Variants in TFAP2A observed in about 807,000 individuals in gnomAD.
TFAP2A encodes transcription factor AP-2 alpha, also known as transcription factor AP-2-alpha.
In TFAP2A, 7 loss-of-function variants were observed where a neutral mutation model predicts 41.5. That is an observed-to-expected ratio of 0.17 (90% CI 0.10 to 0.32). TFAP2A has a LOEUF of 0.32. Ranked by LOEUF, TFAP2A falls within the 10% of genes least tolerant of loss-of-function variation. The pLI, the probability that TFAP2A is intolerant of heterozygous loss-of-function variation, is 1.00. For synonymous variants in TFAP2A, 247 were observed against 242.8 expected (o/e 1.02, Z -0.16); for missense variants, 416 against 563.3 (o/e 0.74, Z 2.65).
At chr6:10,415,785 C>A (rs1461012), upstream of TFAP2A, 11,190 of 152,470 alleles carry the variant, frequency 0.073, 756 homozygotes, top group East Asian at 0.27. Flanking sequence ...GAGGCAGCCA[C>A]CCCCTCGGGC....
chr6:10,399,117 A>C (rs1359213483), intron 6 of TFAP2A, among the ~76,000 whole-genome samples: 1 of 152,184 alleles, frequency 6.6e-6, no homozygotes, highest in Non-Finnish European at 1.5e-5. Flanking sequence ...TTCCTATTCA[A>C]AATGTCATAA....
intron 6 of TFAP2A, among the ~76,000 whole-genome samples, chr6:10,399,777 C>T (rs1423800065): frequency 6.6e-6 from 1 of 152,218 alleles, no homozygotes; most frequent in Admixed American, 6.5e-5. Context: ...CAGTCATTTT[C>T]TTTTCACACA....
chr6:10,408,240 A>G (rs1757802700), intron 2 of TFAP2A, among the ~76,000 whole-genome samples: 1 of 152,180 alleles, frequency 6.6e-6, no homozygotes, highest in Admixed American at 6.5e-5. Context: ...CTTTGAAAGA[A>G]TTTTTTTCTT....
rs568558635 is a variant in TFAP2A at position 10,414,816 on chromosome 6, C to T, written c.51+125G>A. 2.8e-5 allele frequency: 36 copies of T among 1,289,128 alleles called. No homozygotes were observed. The Admixed American group carries it at 3.4e-4, about 12-fold the overall frequency. 79.9% of individuals were successfully genotyped at this position (1,289,128 alleles called of 1,614,324 possible). ...TCTTCGGGCGAATCCGAGGGACGGG[C>T]GCTGCGCTGGGGAAAGTTTGTCCCA... On this transcript the variant is annotated intron_variant, in intron 1 of 6. Transcript: ENST00000379613.
chr6:10,403,555 A>G (rs1757518549), intron 4 of TFAP2A, among the ~76,000 whole-genome samples: 1 of 152,256 alleles, frequency 6.6e-6, no homozygotes, highest in African/African-American at 2.4e-5. Flanking sequence ...CTATCAACAC[A>G]TAAGTAAATG....
chr6:10,414,008 G>T (rs1758126144), intron 1 of TFAP2A, among the ~76,000 whole-genome samples: 2 of 152,238 alleles, frequency 1.3e-5, no homozygotes, highest in Admixed American at 1.3e-4. Flanking sequence ...CCTGCGGGTG[G>T]ACAGGTCGCG....
chr6:10,416,785 C>G (rs1484756249), upstream of TFAP2A: 1 of 152,280 alleles, frequency 6.6e-6, no homozygotes, highest in Admixed American at 6.5e-5. Context: ...AATTCTCCCT[C>G]CAAACACCTC....
At chr6:10,414,761 C>T (rs2113227918) in intron 1 of TFAP2A, 180 bp downstream of exon 1, 1 of 822,292 alleles carries the variant, frequency 1.2e-6, no homozygotes. Context: ...GGAGCATCCA[C>T]GTCCTCTCTC....
rs1757905534 is a variant in TFAP2A, at chr6:10,410,327, G to A, written c.60C>T (p.His20=). ...NIKYEDCEDR[H]DGTSNGTARL... is the part of the protein sequence containing the mutation. ...GTGCCGTCCCGTTGCTGGTGCCGTC[G>A]TGACGGTCCTAGAAGAGAGCGAGAG... is the stretch of plus-strand genomic sequence containing the variant. Residue 20 remains histidine (H), a synonymous_variant, in exon 2 of 7, where the codon CAC becomes CAT. Transcript: ENST00000379613. 1 of 1,611,342 alleles carries A rather than the reference G, an allele frequency of 6.2e-7. No homozygotes were observed. Among genetic ancestry groups the A allele is most frequent in the Non-Finnish European group, 8.5e-7 (1 of 1,179,148 alleles).
chr6:10,402,258 A>C (rs1157455461), intron 5 of TFAP2A: 1 of 608,558 alleles, frequency 1.6e-6, no homozygotes, highest in South Asian at 1.5e-5. Context: ...GCTCAGAATT[A>C]GGCTGGGGAG....
At chr6:10,404,938 C>T in intron 3 of TFAP2A, 199 bp from the exon 4 acceptor site, 1 of 609,084 alleles carries the variant, frequency 1.6e-6, no homozygotes. Flanking sequence ...CACCCGGCGG[C>T]CGGGAGGCGG....
intron 1 of TFAP2A, among the ~76,000 whole-genome samples, 177 bp from the exon 2 acceptor site, chr6:10,410,512 GAACAACGCAGAGA>G (rs1343997512): frequency 6.6e-6 from 1 of 152,048 alleles, no homozygotes; most frequent in Non-Finnish European, 1.5e-5. Context: ...GAAACAGACC[GAACAACGCAGAGA>G]AACTGTATAT....
chr6:10,412,187 G>C (rs957664118), intron 1 of TFAP2A: 4 of 987,254 alleles, frequency 4.1e-6, no homozygotes, highest in South Asian at 4.7e-5. Flanking sequence ...GAGGGAGCGC[G>C]AGAGACAAAA....
In TFAP2A at chr6:10,403,993, A is replaced by G. The variant is rs149004410; in HGVS notation, c.770+515T>C. On this transcript the variant is annotated intron_variant, in intron 4 of 6. Coordinates refer to ENST00000379613, the MANE Select transcript of TFAP2A (RefSeq NM_001372066.1). ...GGCGTGCGGACTCAAGAGGACAACC[A>G]TTCTCTTCCTTTAGTTAAAAGCCAT... Among the ~76,000 whole-genome samples the G allele has an allele frequency of 5.9e-5, 9 of 152,278 alleles. No individual in the cohort carries two copies. In the East Asian group the frequency reaches 1.7e-3, roughly 29 times the overall value.
At chr6:10,402,204 A>T (rs977256783) in intron 5 of TFAP2A, 1 of 470,292 alleles carries the variant, frequency 2.1e-6, no homozygotes, top group Non-Finnish European at 4.0e-6. Context: ...TTTAAAGGAG[A>T]CAAACTTGGA....
In TFAP2A at chr6:10,414,930, G is replaced by A. The variant is rs1373716661; in HGVS notation, c.51+11C>T. ...TGACCGCACGGATGATCGAGCCGGC[G>A]TCGCGCTTACCTCGCAGTCCTCGTA... On this transcript the variant is annotated intron_variant, in intron 1 of 6. Coordinates refer to ENST00000379613, the MANE Select transcript of TFAP2A (RefSeq NM_001372066.1). 1 of 1,614,080 alleles carries A rather than the reference G, an allele frequency of 6.2e-7. No homozygotes were observed. The highest frequency in any genetic ancestry group is 2.2e-5 in the East Asian group (1 of 44,874).
At chr6:10,410,432 C>T (rs2859559) in intron 1 of TFAP2A, 97 bp from the exon 2 acceptor site, 45 of 1,295,870 alleles carry the variant, frequency 3.5e-5, no homozygotes, top group Non-Finnish European at 4.7e-5. Context: ...CGTGGGAAAT[C>T]GCCCGTTCCC....
intron 1 of TFAP2A, 111 bp downstream of exon 1, chr6:10,414,828 GAA>G: frequency 7.0e-7 from 1 of 1,428,058 alleles, no homozygotes; most frequent in Non-Finnish European, 9.9e-7. Context: ...CTGCGCTGGG[GAA>G]AGTTTGTCCC....
Position 10,400,486 on chromosome 6 carries a change from A to T in TFAP2A, c.993T>A (p.Asn331Lys), listed in dbSNP as rs770375179. The change falls in exon 6 of 7, where the codon AAT becomes AAA. Residue 331 changes from asparagine to lysine, a missense_variant. Asn to Lys is a moderately conservative substitution (Grantham distance 94). Around this residue, in one of 3 missense-constraint regions of TFAP2A, gnomAD observed 116 missense variants for 153.8 expected, o/e 0.75. Coordinates refer to ENST00000379613, the MANE Select transcript of TFAP2A (RefSeq NM_001372066.1). The stretch of plus-strand genomic sequence containing the variant: ...GCATGTTTTTTCTTGTCACTTGCTC[A>T]TTGGGATCGGAATGTTGTCGGTTGA... ...EFLNRQHSDPNEQVTRKNMLL... is the reference protein window; with the variant it reads ...EFLNRQHSDPKEQVTRKNMLL... The T allele has an allele frequency of 6.2e-7, 1 of 1,614,218 alleles. No individual in the cohort carries two copies. The highest frequency in any genetic ancestry group is 8.5e-7 in the Non-Finnish European group (1 of 1,180,040).
Sources: gnomAD v4.1 joint callset for allele counts (sites outside exome capture counted in the v4.1 genomes callset) on GRCh38, gnomAD v4.1.1 for gene constraint, gnomAD v4.1.1 regional missense constraint, MANE v1.5 for transcripts, NCBI Gene and HGNC (gene_info 2026-07-23, HGNC 2026-07-21) for gene names.